Variants in RGSL1 observed in about 807,000 individuals in gnomAD.
RGSL1 encodes regulator of G protein signaling protein-like.
RGSL1 carries 97 observed loss-of-function variants against 124.7 expected under a neutral mutation model. The observed-to-expected ratio is 0.78, with a 90% CI of 0.66 to 0.92. RGSL1 has a LOEUF of 0.92. RGSL1 is among the 40% of genes least tolerant of loss of function. RGSL1 has a pLI of 0.00. For synonymous variants in RGSL1, 424 were observed against 438.1 expected, an observed-to-expected ratio of 0.97 and a Z score of 0.40; for missense variants, 1,233 against 1,288.4, an observed-to-expected ratio of 0.96 and a Z score of 0.66.
At chr1:182,519,968 T>C (rs1443262320) in intron 9 of RGSL1, among the ~76,000 whole-genome samples, 1 of 152,198 alleles carries the variant, frequency 6.6e-6, no homozygotes, top group Non-Finnish European at 1.5e-5. Context: ...ACTTGAATTA[T>C]ATTAATAATA....
chr1:182,453,940 TTCTC>T lies in RGSL1; in HGVS notation c.14-11_14-8del. 7.6e-7 allele frequency: 1 copy of T among 1,322,120 alleles called. No individual in the cohort carries two copies. Among genetic ancestry groups the T allele is most frequent in the Non-Finnish European group, 1.1e-6 (1 of 943,410 alleles). The allele number at this position is 1,322,120 out of a possible 1,614,324, so 81.9% of individuals were successfully genotyped here. Reference sequence around the variant, plus strand: ...TCTGGTTCATGTTTTGTTTTTTTATTTCTCTCTCTCCATATAGAGATAATTGGTT... The same window carrying T: ...TCTGGTTCATGTTTTGTTTTTTTATTTCTCTCCATATAGAGATAATTGGTT... On this transcript the variant is annotated splice_polypyrimidine_tract_variant and intron_variant, in intron 1 of 21. Transcript: ENST00000294854.
At chr1:182,550,994 C>T in intron 17 of RGSL1, 106 bp from the exon 18 acceptor site, 2 of 722,790 alleles carry the variant, frequency 2.8e-6, no homozygotes. Flanking sequence ...CTGTTGGACA[C>T]CCACATTCTC....
chr1:182,468,685 C>T (rs903473200), intron 4 of RGSL1, among the ~76,000 whole-genome samples: 1 of 152,080 alleles, frequency 6.6e-6, no homozygotes, highest in African/African-American at 2.4e-5. Context: ...ATGGGTGCAG[C>T]ACACCAGTAT....
chr1:182,470,973 A>T (rs1230466196), intron 4 of RGSL1, among the ~76,000 whole-genome samples: 1 of 152,124 alleles, frequency 6.6e-6, no homozygotes, highest in African/African-American at 2.4e-5. Flanking sequence ...GTAGGTAAAG[A>T]TGGATTAAAA....
At chr1:182,556,970 C>T (rs1185216495) in intron 21 of RGSL1, among the ~76,000 whole-genome samples, 1 of 152,204 alleles carries the variant, frequency 6.6e-6, no homozygotes, top group Non-Finnish European at 1.5e-5. Context: ...TTTCAAATTT[C>T]TGGCCAAAGC....
At chr1:182,491,808 A>G (rs2102106755) in intron 8 of RGSL1, among the ~76,000 whole-genome samples, 1 of 152,180 alleles carries the variant, frequency 6.6e-6, no homozygotes, top group African/African-American at 2.4e-5. Flanking sequence ...AACTCTGTGC[A>G]TTTAGATATA....
At chr1:182,547,707 A>G (rs1010141620) in intron 15 of RGSL1, among the ~76,000 whole-genome samples, 1 of 151,976 alleles carries the variant, frequency 6.6e-6, no homozygotes, top group African/African-American at 2.4e-5. Flanking sequence ...TAAAAATACA[A>G]AAAATTAGCC....
intron 19 of RGSL1, among the ~76,000 whole-genome samples, 171 bp from the exon 20 acceptor site, chr1:182,554,456 A>C (rs266547): frequency 0.42 from 63,251 of 151,972 alleles, 13,507 homozygotes; most frequent in African/African-American, 0.47. Context: ...GCATAGAAAC[A>C]AGGTCTCCTG....
intron 4 of RGSL1, among the ~76,000 whole-genome samples, chr1:182,470,238 C>T (rs1653718828): frequency 6.6e-6 from 1 of 152,146 alleles, no homozygotes; most frequent in Non-Finnish European, 1.5e-5. Flanking sequence ...CCTTTTCTCA[C>T]TGTCCCCACT....
At chr1:182,456,023 G>A (rs1043341156) in intron 2 of RGSL1, among the ~76,000 whole-genome samples, 1 of 152,174 alleles carries the variant, frequency 6.6e-6, no homozygotes, top group African/African-American at 2.4e-5. Context: ...AGTAATGAGG[G>A]TCTAAAGGGA....
At chr1:182,503,974 CTTTTTTTTT>C (rs71124902) in intron 9 of RGSL1, among the ~76,000 whole-genome samples, 1 of 118,240 alleles carries the variant, frequency 8.5e-6, no homozygotes, top group African/African-American at 3.2e-5. Context: ...TTTGTAATTT[CTTTTTTTTT>C]TTTTTTTTTT....
At chr1:182,467,584 G>T (rs35983323) in intron 4 of RGSL1, among the ~76,000 whole-genome samples, 13,050 of 152,176 alleles carry the variant, frequency 0.086, 759 homozygotes, top group East Asian at 0.26. Context: ...GCTGAAACTG[G>T]ATCCCTTTCT....
intron 2 of RGSL1, among the ~76,000 whole-genome samples, chr1:182,455,569 G>T (rs559530422): frequency 2.7e-5 from 4 of 150,108 alleles, no homozygotes. Context: ...GTGACAGAGC[G>T]AGACTCCACC....
chr1:182,548,498 C>G (rs1311142074), intron 16 of RGSL1, 43 bp downstream of exon 16: 1 of 1,548,402 alleles, frequency 6.5e-7, no homozygotes. Context: ...CACCAAGAAG[C>G]ATTTCCCCCA....
rs185323568 is a variant in RGSL1 at position 182,547,561 on chromosome 1, C to T, written c.2670-756C>T. On this transcript the variant is annotated intron_variant, in intron 15 of 21. Transcript: ENST00000294854. ...TAAACCAGACTAGATTATTCTCCTG[C>T]CTAAAATGTTCCACTGGCAGCAGGG... Among the ~76,000 whole-genome samples the T allele has an allele frequency of 4.5e-4, 69 of 152,158 alleles. 1 individual carries two copies. The highest frequency in any genetic ancestry group is 4.4e-3 in the South Asian group (21 of 4,824).
chr1:182,525,290 G>A (rs1156796173), intron 10 of RGSL1, among the ~76,000 whole-genome samples: 1 of 151,994 alleles, frequency 6.6e-6, no homozygotes, highest in Non-Finnish European at 1.5e-5. Flanking sequence ...GGAGAATAAA[G>A]GCAGTCAACA....
Position 182,474,301 on chromosome 1 carries a change from T to A in RGSL1, c.1190T>A (p.Ile397Asn), listed in dbSNP as rs1654105427. 16 of 1,551,792 alleles carry A rather than the reference T, an allele frequency of 1.0e-5. No individual in the cohort carries two copies. Among genetic ancestry groups the A allele is most frequent in the Non-Finnish European group, 1.3e-5 (15 of 1,147,002 alleles). The change falls in exon 6 of 22, where the codon ATC (isoleucine) becomes AAC (asparagine). Residue 397 changes from isoleucine (I) to asparagine (N), a missense_variant. Physicochemically the swap from Ile to Asn is moderately radical, Grantham distance 149. Transcript: ENST00000294854. Reference protein sequence around the residue: ...HLKKLNLKVEIQLLDLWQDLQ... With the variant: ...HLKKLNLKVENQLLDLWQDLQ... ...AAGAAGCTGAATTTGAAAGTGGAGA[T>A]CCAACTTCTTGACCTCTGGCAGGAC...
chr1:182,458,268 A>T (rs1652514614), intron 2 of RGSL1, 51 bp from the exon 3 acceptor site: 2 of 1,360,124 alleles, frequency 1.5e-6, no homozygotes, highest in Non-Finnish European at 2.1e-6. Context: ...TGTGTCATAT[A>T]CATGAAGAGA....
intron 14 of RGSL1, among the ~76,000 whole-genome samples, chr1:182,533,230 T>G (rs1426571489): frequency 7.4e-6 from 1 of 135,602 alleles, no homozygotes; most frequent in Non-Finnish European, 1.5e-5. Flanking sequence ...TATTTTTCTG[T>G]ATATGTATCT....
Sources: allele counts gnomAD v4.1 joint callset (sites outside exome capture counted in the v4.1 genomes callset), GRCh38; gene constraint gnomAD v4.1.1; transcripts MANE v1.5; gene names NCBI Gene and HGNC (gene_info 2026-07-23, HGNC 2026-07-21).